PUM1: variants seen among roughly 807,000 people sequenced by gnomAD.
PUM1 encodes the protein pumilio RNA binding family member 1, also known as pumilio homolog 1.
PUM1 carries 13 observed loss-of-function variants against 131.8 expected under a neutral mutation model. That is an observed-to-expected ratio of 0.10 (90% CI 0.06 to 0.16). The LOEUF (loss-of-function observed/expected upper bound fraction) is 0.16. Among genes scored for constraint, PUM1 ranks in the 10% least tolerant of loss-of-function variants. The pLI, the probability that PUM1 is intolerant of heterozygous loss-of-function variation, is 1.00. For synonymous variants in PUM1, 509 were observed against 556.5 expected (o/e 0.91, Z 1.20); for missense variants, 961 against 1,512.4 (o/e 0.64, Z 6.05).
intron 2 of PUM1, among the ~76,000 whole-genome samples, chr1:31,032,161 A>G (rs1198545451): frequency 6.6e-6 from 1 of 152,232 alleles, no homozygotes; most frequent in Non-Finnish European, 1.5e-5. Flanking sequence ...ATTCTCTCAC[A>G]AAAGTTTTTA....
At chr1:31,021,629 A>C (rs967976979) in intron 3 of PUM1, among the ~76,000 whole-genome samples, 1 of 152,182 alleles carries the variant, frequency 6.6e-6, no homozygotes, top group East Asian at 1.9e-4. Context: ...ACAGTACTTT[A>C]GAGTCCAGCA....
chr1:30,934,884 A>T (rs936756039), intron 21 of PUM1, among the ~76,000 whole-genome samples: 2 of 152,232 alleles, frequency 1.3e-5, no homozygotes, highest in African/African-American at 4.8e-5. Context: ...TGGATTTAAC[A>T]AGAAGTGAAA....
At position 30,966,279 on chromosome 1, in the gene PUM1, C is replaced by T; in HGVS notation, c.1790-1G>A. On this transcript the variant is annotated splice_acceptor_variant, in intron 12 of 21. Transcript: ENST00000426105. LOFTEE classifies it high-confidence loss of function. ...GCTGAAGCTGCGGCTGCTGCAACAG[C>T]TATGAAGAAGAAAGCAAACCGTTTG... The T allele has an allele frequency of 6.3e-7, 1 of 1,584,248 alleles. No homozygotes were observed.
At chr1:31,065,545 A>T in intron 1 of PUM1, 71 bp downstream of exon 1, 1 of 1,509,848 alleles carries the variant, frequency 6.6e-7, no homozygotes. Context: ...CTCAAACACC[A>T]ATATGAAGGG....
chr1:30,947,022 G>A (rs1639704998), intron 17 of PUM1, among the ~76,000 whole-genome samples: 1 of 152,134 alleles, frequency 6.6e-6, no homozygotes, highest in African/African-American at 2.4e-5. Flanking sequence ...TTTACCCCTG[G>A]TTAGGCATAC....
At position 31,030,266 on chromosome 1, in the gene PUM1, CA is replaced by C. The variant is rs749184530; in HGVS notation, c.364-1403del. Among the ~76,000 whole-genome samples, 106 of 152,104 alleles carry C rather than the reference CA, an allele frequency of 7.0e-4. 2 individuals carry two copies. Among genetic ancestry groups the C allele is most frequent in the Admixed American group, 2.0e-3 (31 of 15,266 alleles). ...TTTGCTCTTCTGCCTACATGAAAAACAATGTTGACTACCTGAAGCAGGAGTC... is the reference window on the plus strand; with the variant it reads ...TTTGCTCTTCTGCCTACATGAAAAACATGTTGACTACCTGAAGCAGGAGTC... On this transcript the variant is annotated intron_variant, in intron 2 of 21. Transcript: ENST00000426105.
At position 31,062,707 on chromosome 1, in the gene PUM1, A is replaced by G. The variant is rs200517351; in HGVS notation, c.-12+2909T>C. On this transcript the variant is annotated intron_variant, in intron 1 of 21. Transcript: ENST00000426105. The stretch of plus-strand genomic sequence containing the variant: ...ACAGCCACGGTCTAATTTCAAAGCC[A>G]TCGGCCTAACAGTCTACTGCTACAA... Among the ~76,000 whole-genome samples, 464 of 152,164 alleles carry G rather than the reference A, an allele frequency of 3.0e-3. 3 individuals are homozygous for G. In the South Asian group the frequency reaches 0.032, roughly 10 times the overall value.
At position 30,953,703 on chromosome 1, in the gene PUM1, C is replaced by T; in HGVS notation, c.2591+11G>A. Reference sequence around the variant, plus strand: ...TTCGGGTACCTTAAAGTGCCAAAGCCAAGTACTCACCTGGACCCATGCTGG... The same window carrying T: ...TTCGGGTACCTTAAAGTGCCAAAGCTAAGTACTCACCTGGACCCATGCTGG... On this transcript the variant is annotated intron_variant, in intron 15 of 21. Coordinates refer to ENST00000426105, the MANE Select transcript of PUM1 (RefSeq NM_001020658.2). 6.2e-7 allele frequency: 1 copy of T among 1,613,784 alleles called. No individual in the cohort carries two copies. The highest frequency in any genetic ancestry group is 1.3e-5 in the African/African-American group (1 of 75,030).
rs527898569 is a variant in PUM1, at chr1:30,973,617, A to C, written c.1506+1034T>G. On this transcript the variant is annotated intron_variant, in intron 10 of 21. Transcript: ENST00000426105. The stretch of plus-strand genomic sequence containing the variant: ...CATTTAAAAGAACACTAAATAACAC[A>C]GTAAAGTATGAAATCAGAATGTAAA... 2.6e-5 allele frequency among the ~76,000 whole-genome samples: 4 copies of C among 152,356 alleles called. No homozygotes were observed. In the South Asian group the frequency reaches 8.3e-4, roughly 32 times the overall value.
At chr1:31,016,427 C>G (rs138286807) in intron 3 of PUM1, among the ~76,000 whole-genome samples, 3 of 152,136 alleles carry the variant, frequency 2.0e-5, no homozygotes, top group African/African-American at 2.4e-5. Flanking sequence ...AAGTTTTCAC[C>G]TTCTCTTTCA....
At chr1:30,937,169 C>T (rs1008207894) in intron 20 of PUM1, among the ~76,000 whole-genome samples, 2 of 152,056 alleles carry the variant, frequency 1.3e-5, no homozygotes, top group Admixed American at 6.5e-5. Context: ...ACATGGGACC[C>T]GGCCCTCTAA....
intron 3 of PUM1, among the ~76,000 whole-genome samples, chr1:31,011,338 CATTTCTAAT>C (rs1642612985): frequency 6.6e-6 from 1 of 152,144 alleles, no homozygotes; most frequent in East Asian, 1.9e-4. Context: ...CTTCTTGTTC[CATTTCTAAT>C]ATTTAAATGT....
At chr1:31,025,155 A>G (rs1344614895) in intron 3 of PUM1, among the ~76,000 whole-genome samples, 1 of 152,216 alleles carries the variant, frequency 6.6e-6, no homozygotes, top group Non-Finnish European at 1.5e-5. Flanking sequence ...TGAGTCCTTC[A>G]GCTAAGAACA....
intron 17 of PUM1, among the ~76,000 whole-genome samples, chr1:30,949,917 T>C (rs986263671): frequency 1.2e-4 from 18 of 152,178 alleles, no homozygotes; most frequent in Non-Finnish European, 2.2e-4. Context: ...TGGAAGAGTA[T>C]TGGATACCAC....
chr1:30,997,169 A>G (rs922904185), intron 5 of PUM1, among the ~76,000 whole-genome samples: 1 of 152,198 alleles, frequency 6.6e-6, no homozygotes, highest in African/African-American at 2.4e-5. Flanking sequence ...CTCAGAAGAA[A>G]CAGTTCAGCT....
At chr1:31,060,703 T>A (rs2124016612) in intron 1 of PUM1, among the ~76,000 whole-genome samples, 1 of 151,990 alleles carries the variant, frequency 6.6e-6, no homozygotes, top group South Asian at 2.1e-4. Flanking sequence ...CTGGCCAACA[T>A]TATGAAACCC....
chr1:30,986,877 G>C (rs1641583562), intron 7 of PUM1, among the ~76,000 whole-genome samples: 1 of 152,050 alleles, frequency 6.6e-6, no homozygotes, highest in Non-Finnish European at 1.5e-5. Flanking sequence ...ATACACACTT[G>C]GCCTCACGAG....
At chr1:30,937,581 C>T (rs1301802577) in intron 20 of PUM1, among the ~76,000 whole-genome samples, 1 of 151,614 alleles carries the variant, frequency 6.6e-6, no homozygotes, top group East Asian at 2.0e-4. Flanking sequence ...CCATGCCTGG[C>T]CTCAAATAAG....
chr1:30,964,766 A>T lies in PUM1; in HGVS notation c.2231T>A (p.Val744Glu), dbSNP rs908142782. 6.2e-7 allele frequency: 1 copy of T among 1,614,024 alleles called. No homozygotes were observed. The highest frequency in any genetic ancestry group is 8.5e-7 in the Non-Finnish European group (1 of 1,180,032). The change falls in exon 14 of 22, where the codon GTG becomes GAG. Residue 744 changes from valine (V) to glutamate (E), a missense_variant. Val to Glu is a moderately radical substitution (Grantham distance 121, BLOSUM62 -2). This residue lies in a region of PUM1 where 117 missense variants were observed against 200.7 expected (regional missense o/e 0.58). Transcript: ENST00000426105. ...GLSFSSSPGPVGMPLPSQGPG... is the reference protein window; with the variant it reads ...GLSFSSSPGPEGMPLPSQGPG... The stretch of plus-strand genomic sequence containing the variant: ...TCCCTGACTAGGGAGAGGCATGCCC[A>T]CGGGTCCAGGAGAGGAGGAAAAGCT...
Sources: allele counts gnomAD v4.1 joint callset (sites outside exome capture counted in the v4.1 genomes callset), GRCh38; gene constraint gnomAD v4.1.1; regional missense constraint gnomAD v4.1.1; transcripts MANE v1.5; gene names NCBI Gene and HGNC (gene_info 2026-07-23, HGNC 2026-07-21).